NDUFC1: variants seen among roughly 807,000 people sequenced by gnomAD.
NDUFC1 encodes NADH:ubiquinone oxidoreductase subunit C1, also known as NADH dehydrogenase [ubiquinone] 1 subunit C1, mitochondrial.
Under a neutral mutation model 11.6 loss-of-function variants are expected in NDUFC1, and 11 were observed. That is an observed-to-expected ratio of 0.95 (90% CI 0.60 to 1.58). The LOEUF is 1.58. Ranked by LOEUF, NDUFC1 falls within the 40% of genes most tolerant of loss-of-function variation. NDUFC1 has a pLI of 0.00. For missense variants in NDUFC1, 112 were observed against 93.0 expected (o/e 1.20, Z -0.84); for synonymous variants, 52 against 42.2 (o/e 1.23, Z -0.90).
rs1295164389 is a variant in NDUFC1 at position 139,292,626 on chromosome 4, A to G, written c.172-17T>C. On this transcript the variant is annotated splice_polypyrimidine_tract_variant and intron_variant, in intron 4 of 5. Coordinates refer to ENST00000394223, the MANE Select transcript of NDUFC1 (RefSeq NM_001184989.2). ...TTTGATGAGCTACAAAGAGTTAAAC[A>G]GTTAAAATTAGAAATGTAATCTTCC... The G allele has an allele frequency of 4.8e-6, 7 of 1,449,508 alleles. No homozygotes were observed. The highest frequency in any genetic ancestry group is 6.7e-6 in the Non-Finnish European group (7 of 1,052,078). The allele number at this position is 1,449,508 out of a possible 1,614,324, so 89.8% of individuals were successfully genotyped here.
chr4:139,301,816 C>T (rs531350160), intron 1 of NDUFC1: 6 of 1,593,950 alleles, frequency 3.8e-6, no homozygotes, highest in African/African-American at 2.7e-5. Context: ...AGAATGCGCT[C>T]TTCAAGCGGA....
chr4:139,300,854 T>G (rs1745685344), intron 1 of NDUFC1: 1 of 152,186 alleles, frequency 6.6e-6, no homozygotes, highest in Admixed American at 6.5e-5. Flanking sequence ...ACAACGAAAT[T>G]AAAACACATA....
intron 3 of NDUFC1, 47 bp from the exon 4 acceptor site, chr4:139,295,193 G>T: frequency 6.9e-7 from 1 of 1,451,672 alleles, no homozygotes; most frequent in Middle Eastern, 1.7e-4. Context: ...CTGCCTTGTA[G>T]GGAAAAAACC....
intron 1 of NDUFC1, chr4:139,300,779 C>G (rs1438156687): frequency 6.6e-6 from 1 of 152,166 alleles, no homozygotes. Context: ...GTCTTTAAGT[C>G]TCCACTACTC....
rs1256017441 is a variant in NDUFC1 at position 139,291,058 on chromosome 4, C to T, written c.*21-966G>A. Among the ~76,000 whole-genome samples the T allele has an allele frequency of 4.0e-5, 6 of 151,176 alleles. 1 individual carries two copies. Among genetic ancestry groups the T allele is most frequent in the South Asian group, 2.1e-4 (1 of 4,796 alleles). Reference sequence around the variant, plus strand: ...AACTCCTTGCCTTAAGTGATCCACTCGCCTCAGCCTCTCAAAGTGTTAGGA... The same window carrying T: ...AACTCCTTGCCTTAAGTGATCCACTTGCCTCAGCCTCTCAAAGTGTTAGGA... On this transcript the variant is annotated intron_variant, in intron 5 of 5. Coordinates refer to ENST00000394223, the MANE Select transcript of NDUFC1 (RefSeq NM_001184989.2).
intron 1 of NDUFC1, chr4:139,301,743 G>A (rs542624521): frequency 1.3e-6 from 2 of 1,548,040 alleles, no homozygotes; most frequent in East Asian, 2.5e-5. Context: ...TGACCGAGCC[G>A]GGTGGTGGCG....
At chr4:139,296,721 G>C (rs1489039322) in intron 2 of NDUFC1, among the ~76,000 whole-genome samples, 2 of 152,260 alleles carry the variant, frequency 1.3e-5, no homozygotes, top group Non-Finnish European at 2.9e-5. Context: ...GTTTTATCTT[G>C]CACAGTTGAG....
Position 139,295,854 on chromosome 4 carries a change from C to A in NDUFC1, c.-56G>T. The stretch of plus-strand genomic sequence containing the variant: ...TGGCAACAGAACCAGCGCCACCTGG[C>A]GGCCGGAAGTGCGGGACTCGAGGGC... On this transcript the variant is annotated 5_prime_UTR_variant, in exon 3 of 6. Transcript: ENST00000394223. 2 of 1,523,026 alleles carry A rather than the reference C, an allele frequency of 1.3e-6. No homozygotes were observed. Among genetic ancestry groups the A allele is most frequent in the Non-Finnish European group, 1.8e-6 (2 of 1,132,332 alleles). The allele number at this position is 1,523,026 out of a possible 1,614,324, so 94.3% of individuals were successfully genotyped here.
At chr4:139,301,899 C>A in intron 1 of NDUFC1, 1 of 1,508,674 alleles carries the variant, frequency 6.6e-7, no homozygotes. Context: ...CACCCCTAAC[C>A]TCGGCCCGGC....
intron 1 of NDUFC1, among the ~76,000 whole-genome samples, chr4:139,299,288 G>A (rs1170222909): frequency 6.7e-6 from 1 of 149,460 alleles, no homozygotes; most frequent in Non-Finnish European, 1.5e-5. Flanking sequence ...TTTTAAATAA[G>A]ATCCAAGTAC....
At chr4:139,290,571 AG>A (rs1672343571) in intron 5 of NDUFC1, among the ~76,000 whole-genome samples, 1 of 152,064 alleles carries the variant, frequency 6.6e-6, no homozygotes, top group Non-Finnish European at 1.5e-5. Flanking sequence ...ATGGAAAAAA[AG>A]GATAGTCTGT....
At chr4:139,294,484 C>T (rs947532965) in intron 4 of NDUFC1, among the ~76,000 whole-genome samples, 1 of 151,792 alleles carries the variant, frequency 6.6e-6, no homozygotes, top group African/African-American at 2.4e-5. Flanking sequence ...CGCCTGTAAT[C>T]AGAACACTTT....
intron 1 of NDUFC1, chr4:139,301,221 G>A (rs1049925522): frequency 1.1e-5 from 3 of 273,326 alleles, no homozygotes; most frequent in Middle Eastern, 1.0e-3. Context: ...TCCAAGGAAT[G>A]AAAGGTCGAT....
At position 139,298,868 on chromosome 4, in the gene NDUFC1, TCTCA is replaced by T. The variant is rs1378518180; in HGVS notation, c.-221-1429_-221-1426del. On this transcript the variant is annotated intron_variant, in intron 1 of 5. Transcript: ENST00000394223. ...TTAAAATTTTTTTGTAGAGACAGGG[TCTCA>T]CTATGTTGCCCAGGTTGGTCTCAAA... Among the ~76,000 whole-genome samples the T allele has an allele frequency of 5.3e-5, 8 of 152,162 alleles. No individual in the cohort carries two copies. The East Asian group carries it at 1.5e-3, about 29-fold the overall frequency.
At chr4:139,302,188 G>GT in intron 1 of NDUFC1, 1 of 254,326 alleles carries the variant, frequency 3.9e-6, no homozygotes, top group Middle Eastern at 1.1e-3. Flanking sequence ...CCCGGTTGGT[G>GT]TGGGAACCCT....
Position 139,302,455 on chromosome 4 carries a change from C to T in NDUFC1, c.-261G>A, listed in dbSNP as rs1488475592. On this transcript the variant is annotated 5_prime_UTR_variant, in exon 1 of 6. Transcript: ENST00000394223. ...TTGCATACTGGAGTCTTCAGCTCCT[C>T]TGCCTCCGTTGTTCTCGTTTCTGGA... is the stretch of plus-strand genomic sequence containing the variant. The T allele has an allele frequency of 6.6e-6, 1 of 152,288 alleles. No individual in the cohort carries two copies. The highest frequency in any genetic ancestry group is 1.9e-4 in the East Asian group (1 of 5,204). 9.4% of individuals were successfully genotyped at this position (152,288 alleles called of 1,614,324 possible).
intron 4 of NDUFC1, among the ~76,000 whole-genome samples, chr4:139,293,102 G>A (rs1173873575): frequency 1.3e-5 from 2 of 152,150 alleles, no homozygotes; most frequent in Non-Finnish European, 2.9e-5. Context: ...TTACAGGCAT[G>A]AGCCACCGCA....
At chr4:139,301,960 GC>G in intron 1 of NDUFC1, 1 of 1,000,154 alleles carries the variant, frequency 1.0e-6, no homozygotes, top group Non-Finnish European at 1.5e-6. Flanking sequence ...CTCTCGTCAG[GC>G]CGAATGCATT....
At chr4:139,301,980 C>T in intron 1 of NDUFC1, 3 of 828,410 alleles carry the variant, frequency 3.6e-6, no homozygotes, top group South Asian at 1.9e-5. Flanking sequence ...TTGCTTTGCT[C>T]CCTCTCTGTG....
Sources: gnomAD v4.1 joint callset for allele counts (sites outside exome capture counted in the v4.1 genomes callset) on GRCh38, gnomAD v4.1.1 for gene constraint, MANE v1.5 for transcripts, NCBI Gene and HGNC (gene_info 2026-07-23, HGNC 2026-07-21) for gene names.